Variants in RAD51B observed in about 807,000 individuals in gnomAD.
RAD51B encodes RAD51 paralog B, also known as DNA repair protein RAD51 homolog 2.
Under a neutral mutation model 42.2 loss-of-function variants are expected in RAD51B, and 38 were observed. That is an observed-to-expected ratio of 0.90 (90% CI 0.70 to 1.18). The LOEUF (loss-of-function observed/expected upper bound fraction) is 1.18. Among genes scored for constraint, RAD51B ranks in the 50% most tolerant of loss-of-function variants. RAD51B has a pLI of 0.00. For missense variants in RAD51B, 373 were observed against 400.7 expected (o/e 0.93, Z 0.59); for synonymous variants, 154 against 145.2 (o/e 1.06, Z -0.43).
At chr14:68,011,029 A>C (rs1269934757) in intron 7 of RAD51B, among the ~76,000 whole-genome samples, 2 of 151,966 alleles carry the variant, frequency 1.3e-5, no homozygotes, top group African/African-American at 4.8e-5. Flanking sequence ...ATAGTGAAAA[A>C]AATCAGATAT....
At chr14:68,096,708 C>G (rs185623530) in intron 7 of RAD51B, among the ~76,000 whole-genome samples, 1 of 152,288 alleles carries the variant, frequency 6.6e-6, no homozygotes, top group East Asian at 1.9e-4. Context: ...TATTATGAAT[C>G]TTATATTTGA....
chr14:68,532,089 G>T (rs1001861481), intron 10 of RAD51B, among the ~76,000 whole-genome samples: 1 of 152,148 alleles, frequency 6.6e-6, no homozygotes, highest in Non-Finnish European at 1.5e-5. Context: ...ACAAAGGAAG[G>T]TCTCAACAAA....
chr14:68,265,221 G>A (rs1241422283), intron 7 of RAD51B, among the ~76,000 whole-genome samples: 1 of 152,218 alleles, frequency 6.6e-6, no homozygotes, highest in African/African-American at 2.4e-5. Flanking sequence ...AATTATAATA[G>A]CAGAGTTACT....
chr14:68,474,209 A>G (rs1276949436), intron 10 of RAD51B, among the ~76,000 whole-genome samples: 12 of 150,318 alleles, frequency 8.0e-5, no homozygotes, highest in African/African-American at 3.0e-4. Context: ...AAAAAATGGA[A>G]TGGCTGGTCA....
chr14:68,217,168 G>A (rs2079832578), intron 7 of RAD51B, among the ~76,000 whole-genome samples: 1 of 152,134 alleles, frequency 6.6e-6, no homozygotes, highest in South Asian at 2.1e-4. Flanking sequence ...CCTAAGTGGT[G>A]GTAGTGTTAT....
chr14:67,924,808 C>T (rs1346623996), intron 7 of RAD51B, among the ~76,000 whole-genome samples: 1 of 152,180 alleles, frequency 6.6e-6, no homozygotes, highest in African/African-American at 2.4e-5. Context: ...CATTTCAAAA[C>T]CAATCATGCC....
chr14:68,043,188 A>T (rs2076243000), intron 7 of RAD51B, among the ~76,000 whole-genome samples: 1 of 152,236 alleles, frequency 6.6e-6, no homozygotes, highest in Admixed American at 6.5e-5. Context: ...ACACCCAAGG[A>T]CTTAGACTGT....
chr14:68,530,259 T>C (rs12887124), intron 10 of RAD51B, among the ~76,000 whole-genome samples: 75,443 of 151,268 alleles, frequency 0.5, 19,459 homozygotes, highest in East Asian at 0.7. Context: ...GCCTGGGCAA[T>C]GTGGCGAGAC....
intron 8 of RAD51B, among the ~76,000 whole-genome samples, chr14:68,308,870 G>T (rs1052205095): frequency 1.3e-5 from 2 of 152,148 alleles, no homozygotes; most frequent in African/African-American, 4.8e-5. Context: ...GTTAGTGTCT[G>T]TTGTTATGAA....
intron 7 of RAD51B, among the ~76,000 whole-genome samples, chr14:68,227,892 ATTTAACAGAGC>A (rs2080072123): frequency 6.6e-6 from 1 of 152,208 alleles, no homozygotes; most frequent in Admixed American, 6.5e-5. Context: ...CTTTAGAACC[ATTTAACAGAGC>A]ATATTATTAT....
downstream of RAD51B, among the ~76,000 whole-genome samples, chr14:68,616,150 G>T (rs1227152144): frequency 6.6e-6 from 1 of 151,760 alleles, no homozygotes; most frequent in Non-Finnish European, 1.5e-5. Context: ...TATTATTTTT[G>T]CTTTAATATT....
At chr14:67,827,795 C>T (rs1481025679) in intron 3 of RAD51B, among the ~76,000 whole-genome samples, 1 of 152,194 alleles carries the variant, frequency 6.6e-6, no homozygotes, top group African/African-American at 2.4e-5. Context: ...CAACTCCATC[C>T]ATGCCCCTGC....
intron 9 of RAD51B, among the ~76,000 whole-genome samples, chr14:68,434,187 G>A (rs796577929): frequency 6.6e-6 from 1 of 152,210 alleles, no homozygotes; most frequent in South Asian, 2.1e-4. Context: ...CTACTCGGGG[G>A]TCAGGGACCC....
At chr14:68,661,826 A>C (rs1892939695) in intron 11 of RAD51B, among the ~76,000 whole-genome samples, 1 of 152,180 alleles carries the variant, frequency 6.6e-6, no homozygotes, top group Admixed American at 6.5e-5. Context: ...GACTGCCAGC[A>C]GGTTGTGCTC....
intron 10 of RAD51B, among the ~76,000 whole-genome samples, chr14:68,542,433 C>A (rs1169878747): frequency 6.6e-6 from 1 of 152,084 alleles, no homozygotes; most frequent in Non-Finnish European, 1.5e-5. Context: ...ATCCACTTGT[C>A]CATTTTGTGT....
chr14:67,891,351 T>A (rs2043213663), intron 7 of RAD51B, among the ~76,000 whole-genome samples: 1 of 152,170 alleles, frequency 6.6e-6, no homozygotes, highest in Admixed American at 6.5e-5. Context: ...TGTGGCCATC[T>A]GTGTTCTTGA....
intron 7 of RAD51B, among the ~76,000 whole-genome samples, chr14:68,119,244 G>A (rs1344106949): frequency 2.7e-5 from 4 of 150,466 alleles, no homozygotes; most frequent in Non-Finnish European, 5.9e-5. Context: ...TGTTGTCCAG[G>A]CTGCAGTTCT....
intron 10 of RAD51B, among the ~76,000 whole-genome samples, chr14:68,618,545 A>T (rs1023914788): frequency 3.3e-5 from 5 of 152,122 alleles, no homozygotes; most frequent in African/African-American, 1.2e-4. Context: ...TTCCTTTGTT[A>T]GTTCCCCTAA....
rs375106771 is a variant in RAD51B, at chr14:68,552,306, C to T, written c.1037-42179C>T. 5.9e-5 allele frequency among the ~76,000 whole-genome samples: 9 copies of T among 152,218 alleles called. No individual in the cohort carries two copies. The South Asian group carries it at 8.3e-4, about 14-fold the overall frequency. On this transcript the variant is annotated intron_variant, in intron 10 of 10. Transcript: ENST00000487270. ...CCAGGCATTGGGATTGGGGTGGGTC[C>T]GTTCTTGGTTATATAGGACTGCCCC...
Sources: gnomAD v4.1 joint callset for allele counts (sites outside exome capture counted in the v4.1 genomes callset) on GRCh38, gnomAD v4.1.1 for gene constraint, MANE v1.5 for transcripts, NCBI Gene and HGNC (gene_info 2026-07-23, HGNC 2026-07-21) for gene names.